Variants in SH3KBP1 observed in about 807,000 individuals in gnomAD.
The protein encoded by SH3KBP1 is SH3 domain containing kinase binding protein 1, also known as SH3 domain-containing kinase-binding protein 1.
Under a neutral mutation model 50.1 loss-of-function variants are expected in SH3KBP1, and 8 were observed. That is an observed-to-expected ratio of 0.16 (90% CI 0.09 to 0.29). SH3KBP1 has a LOEUF of 0.29. SH3KBP1 is among the 10% of genes least tolerant of loss of function. SH3KBP1 has a pLI of 1.00. For synonymous variants in SH3KBP1, 227 were observed against 218.6 expected (o/e 1.04, Z -0.34); for missense variants, 377 against 535.2 (o/e 0.70, Z 2.92).
intron 6 of SH3KBP1, among the ~76,000 whole-genome samples, chrX:19,668,935 AATATATATATAT>A (rs56844238): frequency 1.8e-4 from 6 of 32,878 alleles, no homozygotes; most frequent in South Asian, 3.8e-3. Context: ...GATTGAGGGT[AATATATATATAT>A]ATATATATAT....
At chrX:19,632,513 G>GT (rs2061601653) in intron 7 of SH3KBP1, among the ~76,000 whole-genome samples, 1 of 112,766 alleles carries the variant, frequency 8.9e-6, no homozygotes, top group African/African-American at 3.2e-5. Context: ...CAGCCAACAA[G>GT]TATTGACTGA....
intron 13 of SH3KBP1, among the ~76,000 whole-genome samples, chrX:19,554,090 TATA>T (rs1220730075): frequency 2.3e-4 from 16 of 68,357 alleles, no homozygotes; most frequent in East Asian, 1.6e-3. Context: ...TATATTAAAA[TATA>T]ATATTATATA....
At chrX:19,813,160 AAAGAAGAAG>A (rs370190945) in intron 2 of SH3KBP1, among the ~76,000 whole-genome samples, 23 of 104,529 alleles carry the variant, frequency 2.2e-4, no homozygotes, top group Non-Finnish European at 1.9e-4. Flanking sequence ...AAACAAAAAA[AAAGAAGAAG>A]AAGAAGAAGA....
intron 3 of SH3KBP1, chrX:19,740,636 A>G (rs1404803582): frequency 3.1e-5 from 5 of 162,245 alleles, no homozygotes; most frequent in African/African-American, 1.5e-4. Flanking sequence ...TATTTCTCCA[A>G]TAGAAAATTT....
At chrX:19,712,348 G>A (rs2063795878) in intron 3 of SH3KBP1, among the ~76,000 whole-genome samples, 1 of 112,100 alleles carries the variant, frequency 8.9e-6, no homozygotes, top group African/African-American at 3.2e-5. Context: ...AATACGGTAT[G>A]TACTGAGGGA....
At chrX:19,677,865 T>C (rs2062964248) in intron 6 of SH3KBP1, among the ~76,000 whole-genome samples, 1 of 112,373 alleles carries the variant, frequency 8.9e-6, no homozygotes, top group Non-Finnish European at 1.9e-5. Flanking sequence ...TAGACACTCC[T>C]GCCGTTCTCT....
chrX:19,683,916 C>T lies in SH3KBP1; in HGVS notation c.633G>A (p.Lys211=), dbSNP rs867385875. ...TGAAAATGTCTCCAAAGCCCACTCCCTTAACTTTCTTGGGCTGGATTGCTG... is the reference window on the plus strand; with the variant it reads ...TGAAAATGTCTCCAAAGCCCACTCCTTTAACTTTCTTGGGCTGGATTGCTG... ...ATAAIQPKKV[K]GVGFGDIFKD... The change falls in exon 6 of 18, where the codon AAG becomes AAA. Residue 211 remains lysine, a synonymous_variant. Coordinates refer to ENST00000397821, the MANE Select transcript of SH3KBP1 (RefSeq NM_031892.3). 1 of 1,211,246 alleles carries T rather than the reference C, an allele frequency of 8.3e-7. No homozygotes were observed. Among genetic ancestry groups the T allele is most frequent in the Non-Finnish European group, 1.1e-6 (1 of 894,916 alleles).
chrX:19,661,589 A>G (rs1286875631), intron 6 of SH3KBP1, among the ~76,000 whole-genome samples: 2 of 105,023 alleles, frequency 1.9e-5, no homozygotes, highest in East Asian at 5.8e-4. Flanking sequence ...GTTTCTACAA[A>G]CTAGTTATTA....
Position 19,546,069 on chromosome X carries a change from A to C in SH3KBP1, c.1495-19T>G. On this transcript the variant is annotated intron_variant, in intron 14 of 17. Transcript: ENST00000397821. ...GGGATGACTGATAAAGCCAAAAGAA[A>C]ATGCTTTTGTCAGAATTACACCTTA... is the stretch of plus-strand genomic sequence containing the variant. 5 of 1,209,640 alleles carry C rather than the reference A, an allele frequency of 4.1e-6. No homozygotes were observed. Among genetic ancestry groups the C allele is most frequent in the Non-Finnish European group, 5.6e-6 (5 of 893,772 alleles).
At chrX:19,637,047 C>T (rs1386895405) in intron 7 of SH3KBP1, among the ~76,000 whole-genome samples, 1 of 112,518 alleles carries the variant, frequency 8.9e-6, no homozygotes, top group Non-Finnish European at 1.9e-5. Flanking sequence ...ATCTCAGACA[C>T]TACTGGTTGG....
At chrX:19,683,369 C>T (rs1366501673) in intron 6 of SH3KBP1, 2 of 367,155 alleles carry the variant, frequency 5.4e-6, no homozygotes, top group Non-Finnish European at 1.1e-5. Context: ...TTATCTCCAA[C>T]TAACTCTTAG....
intron 3 of SH3KBP1, among the ~76,000 whole-genome samples, chrX:19,713,269 CT>C (rs1430550885): frequency 3.9e-4 from 41 of 104,462 alleles, no homozygotes; most frequent in African/African-American, 8.6e-4. Context: ...TTCTTAAAAA[CT>C]TTTTTTTTTT....
At chrX:19,743,009 A>T (rs1422338494) in intron 3 of SH3KBP1, among the ~76,000 whole-genome samples, 1 of 112,154 alleles carries the variant, frequency 8.9e-6, no homozygotes, top group Admixed American at 9.4e-5. Flanking sequence ...GAGTGCAGAC[A>T]CAAGTGCCCC....
chrX:19,859,783 C>T (rs1163381561), intron 1 of SH3KBP1, among the ~76,000 whole-genome samples: 3 of 110,776 alleles, frequency 2.7e-5, no homozygotes, highest in Non-Finnish European at 5.7e-5. Context: ...GGCTCCCTGT[C>T]CCCTCCTGGC....
At chrX:19,548,194 C>T (rs958093620) in intron 14 of SH3KBP1, among the ~76,000 whole-genome samples, 1 of 112,079 alleles carries the variant, frequency 8.9e-6, no homozygotes, top group Non-Finnish European at 1.9e-5. Context: ...ATCCTCACCA[C>T]ATCCCCCAAA....
At chrX:19,546,089 A>G in intron 14 of SH3KBP1, 39 bp from the exon 15 acceptor site, 1 of 1,192,442 alleles carries the variant, frequency 8.4e-7, no homozygotes, top group Non-Finnish European at 1.1e-6. Flanking sequence ...TCAGAATTAC[A>G]CCTTAGCTGA....
intron 6 of SH3KBP1, among the ~76,000 whole-genome samples, chrX:19,651,043 T>A (rs1188747188): frequency 9.0e-6 from 1 of 111,578 alleles, no homozygotes; most frequent in Non-Finnish European, 1.9e-5. Flanking sequence ...CACTGTAAAC[T>A]TTTTATATTT....
intron 9 of SH3KBP1, among the ~76,000 whole-genome samples, chrX:19,599,398 G>A (rs1349687970): frequency 8.9e-6 from 1 of 112,552 alleles, no homozygotes; most frequent in Non-Finnish European, 1.9e-5. Flanking sequence ...GGAAAATGTT[G>A]CACTAACAGA....
intron 4 of SH3KBP1, among the ~76,000 whole-genome samples, chrX:19,698,883 T>TGAA (rs2063482099): frequency 9.1e-6 from 1 of 110,211 alleles, no homozygotes; most frequent in Non-Finnish European, 1.9e-5. Context: ...GCCTCACACA[T>TGAA]TGAATGAATG....
Sources: allele counts gnomAD v4.1 joint callset (sites outside exome capture counted in the v4.1 genomes callset), GRCh38; gene constraint gnomAD v4.1.1; transcripts MANE v1.5; gene names NCBI Gene and HGNC (gene_info 2026-07-23, HGNC 2026-07-21).